Variants in APH1B observed in about 807,000 individuals in gnomAD.
APH1B encodes the protein aph-1B gamma-secretase subunit.
In APH1B, 27 loss-of-function variants were observed where a neutral mutation model predicts 28.2. That is an observed-to-expected ratio of 0.96 (90% confidence interval 0.70 to 1.32). The LOEUF is 1.32. APH1B is among the 40% of genes most tolerant of loss of function. APH1B has a pLI of 0.00. For missense variants in APH1B, 305 were observed against 313.6 expected (o/e 0.97, Z 0.21); for synonymous variants, 141 against 124.6 (o/e 1.13, Z -0.88).
chr15:63,278,244 A>G (rs1352288258), intron 1 of APH1B: 1 of 133,798 alleles, frequency 7.5e-6, no homozygotes, highest in African/African-American at 1.4e-4. Flanking sequence ...GGGCTTCAGA[A>G]AAAAAAAAAA....
chr15:63,277,983 A>G, intron 1 of APH1B: 2 of 546,554 alleles, frequency 3.7e-6, no homozygotes, highest in Non-Finnish European at 6.5e-6. Flanking sequence ...CCGTGAAGCT[A>G]CTAAAGTTGT....
In APH1B at chr15:63,305,693, T is replaced by C. The variant is rs2038679839; in HGVS notation, c.686T>C (p.Leu229Ser). 1 of 1,614,112 alleles carries C rather than the reference T, an allele frequency of 6.2e-7. No individual in the cohort carries two copies. Among genetic ancestry groups the C allele is most frequent in the South Asian group, 1.1e-5 (1 of 91,088 alleles). The change falls in exon 6 of 6, where the codon TTA becomes TCA. Residue 229 changes from leucine (L) to serine (S), a missense_variant. Transcript: ENST00000261879. The stretch of plus-strand genomic sequence containing the variant: ...GTGCTCATGGGCACCTGGGCATTCT[T>C]AGCTGCGGGAGGCAGCTGCCGAAGC... ...ILVLMGTWAF[L>S]AAGGSCRSLK...
chr15:63,302,553 A>G (rs1302756132), intron 5 of APH1B, 81 bp downstream of exon 5: 1 of 1,496,320 alleles, frequency 6.7e-7, no homozygotes, highest in African/African-American at 1.4e-5. Context: ...CTCTAGATGA[A>G]ATACACGCTC....
chr15:63,291,345 C>A (rs557424293), intron 4 of APH1B, among the ~76,000 whole-genome samples: 4 of 152,286 alleles, frequency 2.6e-5, no homozygotes, highest in South Asian at 2.1e-4. Flanking sequence ...AACAGCTGAT[C>A]ATTTTATTTT....
chr15:63,297,035 T>C (rs2038575656), intron 4 of APH1B, among the ~76,000 whole-genome samples: 2 of 152,352 alleles, frequency 1.3e-5, no homozygotes, highest in Admixed American at 1.3e-4. Context: ...TAGAAGTTTA[T>C]TAGAAGAGGA....
At chr15:63,291,153 T>C (rs2038502556) in intron 4 of APH1B, among the ~76,000 whole-genome samples, 1 of 152,214 alleles carries the variant, frequency 6.6e-6, no homozygotes, top group Non-Finnish European at 1.5e-5. Flanking sequence ...TAAGTGCTTA[T>C]AAGCTCTAAA....
At chr15:63,277,872 G>A (rs1333298660) in intron 1 of APH1B, 136 bp downstream of exon 1, 2 of 852,796 alleles carry the variant, frequency 2.3e-6, no homozygotes, top group Admixed American at 6.1e-5. Context: ...GAGGGGGAGA[G>A]CGGAGATCCG....
intron 2 of APH1B, among the ~76,000 whole-genome samples, chr15:63,279,977 T>C (rs1245196704): frequency 6.6e-6 from 1 of 152,076 alleles, no homozygotes; most frequent in African/African-American, 2.4e-5. Context: ...TTTGTAATTT[T>C]AGTAGAGACA....
intron 4 of APH1B, among the ~76,000 whole-genome samples, chr15:63,292,364 G>A (rs1299126978): frequency 6.6e-6 from 1 of 152,106 alleles, no homozygotes; most frequent in East Asian, 1.9e-4. Context: ...CATCGAATTT[G>A]TATTTTTCAT....
At chr15:63,289,176 T>C (rs2038477790) in intron 4 of APH1B, among the ~76,000 whole-genome samples, 1 of 152,230 alleles carries the variant, frequency 6.6e-6, no homozygotes, top group Admixed American at 6.5e-5. Flanking sequence ...ATGTTATAAA[T>C]TTGTATCTAT....
At chr15:63,305,584 T>G (rs1364373492) in intron 5 of APH1B, 30 bp from the exon 6 acceptor site, 1 of 1,608,684 alleles carries the variant, frequency 6.2e-7, no homozygotes. Context: ...TTGCTGTTAT[T>G]ACCCAAGCTG....
chr15:63,296,890 C>T (rs1184032720), intron 4 of APH1B, among the ~76,000 whole-genome samples: 1 of 152,042 alleles, frequency 6.6e-6, no homozygotes, highest in Non-Finnish European at 1.5e-5. Context: ...GATCTCCTGA[C>T]CTGGTGATCT....
At chr15:63,293,121 A>C (rs759941823) in intron 4 of APH1B, among the ~76,000 whole-genome samples, 6 of 151,522 alleles carry the variant, frequency 4.0e-5, no homozygotes, top group Admixed American at 1.3e-4. Context: ...TTCGTCAGCC[A>C]CTGCTGCCTT....
In APH1B at chr15:63,306,047, C is replaced by T. The variant is rs906468731; in HGVS notation, c.*266C>T. The T allele has an allele frequency of 1.4e-5, 5 of 363,140 alleles. No individual in the cohort carries two copies. Among genetic ancestry groups the T allele is most frequent in the South Asian group, 9.7e-5 (3 of 30,922 alleles). 22.5% of individuals were successfully genotyped at this position (363,140 alleles called of 1,614,324 possible). Reference sequence around the variant, plus strand: ...CTTCCAGAGCTAATTGGCCTGGGCACGTGGTGAGTTTTAAAAGCTTCCCAG... The same window carrying T: ...CTTCCAGAGCTAATTGGCCTGGGCATGTGGTGAGTTTTAAAAGCTTCCCAG... On this transcript the variant is annotated 3_prime_UTR_variant, in exon 6 of 6. Transcript: ENST00000261879.
rs1219732028 is a variant in APH1B at position 63,279,321 on chromosome 15, A to G, written c.274A>G (p.Lys92Glu). Residue 92 changes from lysine to glutamate, a missense_variant, in exon 2 of 6, where the codon AAA becomes GAA. Physicochemically the swap from Lys to Glu is moderately conservative, Grantham distance 56. Transcript: ENST00000261879. Reference protein sequence around the residue: ...IQEMFRFAYYKLLKKASEGLK... With the variant: ...IQEMFRFAYYELLKKASEGLK... ...AGAAATGTTCCGATTTGCATATTAT[A>G]AACTCTTAAAGTAAGTTAAATACCT... 2 of 1,599,854 alleles carry G rather than the reference A, an allele frequency of 1.3e-6. No homozygotes were observed. Among genetic ancestry groups the G allele is most frequent in the African/African-American group, 2.7e-5 (2 of 74,662 alleles).
chr15:63,303,945 G>A (rs907822962), intron 5 of APH1B, among the ~76,000 whole-genome samples: 11 of 151,416 alleles, frequency 7.3e-5, no homozygotes, highest in African/African-American at 2.7e-4. Flanking sequence ...GGACTGCTGG[G>A]TCATGGGGTG....
intron 5 of APH1B, among the ~76,000 whole-genome samples, 185 bp downstream of exon 5, chr15:63,302,657 G>A (rs1487790453): frequency 6.6e-6 from 1 of 152,134 alleles, no homozygotes; most frequent in South Asian, 2.1e-4. Context: ...TAATTTTTTG[G>A]TGTGTCTTAT....
At chr15:63,299,483 C>T (rs1031793477) in intron 4 of APH1B, among the ~76,000 whole-genome samples, 1 of 152,168 alleles carries the variant, frequency 6.6e-6, no homozygotes, top group Non-Finnish European at 1.5e-5. Flanking sequence ...CGGCTCACTG[C>T]AAGCTCCGCC....
At chr15:63,284,057 C>T (rs1322847396) in intron 2 of APH1B, among the ~76,000 whole-genome samples, 2 of 152,170 alleles carry the variant, frequency 1.3e-5, no homozygotes, top group Non-Finnish European at 2.9e-5. Flanking sequence ...TCTGCCCTTA[C>T]ACCAGTATAA....
Sources: allele counts gnomAD v4.1 joint callset (sites outside exome capture counted in the v4.1 genomes callset), GRCh38; gene constraint gnomAD v4.1.1; transcripts MANE v1.5; gene names NCBI Gene and HGNC (gene_info 2026-07-23, HGNC 2026-07-21).